Variants in NFKBIZ observed in about 807,000 individuals in gnomAD.
NFKBIZ encodes NF-kappa-B inhibitor zeta.
NFKBIZ carries 19 observed loss-of-function variants against 76.8 expected under a neutral mutation model. That is an observed-to-expected ratio of 0.25 (90% confidence interval 0.17 to 0.36). NFKBIZ has a LOEUF of 0.36. Ranked by LOEUF, NFKBIZ falls within the 10% of genes least tolerant of loss-of-function variation. The pLI, the probability that NFKBIZ is intolerant of heterozygous loss-of-function variation, is 1.00. For missense variants in NFKBIZ, 829 were observed against 910.9 expected, an observed-to-expected ratio of 0.91 and a Z score of 1.16; for synonymous variants, 368 against 354.8, an observed-to-expected ratio of 1.04 and a Z score of -0.42.
upstream of NFKBIZ, among the ~76,000 whole-genome samples, chr3:101,845,691 C>A (rs1942841282): frequency 6.6e-6 from 1 of 152,172 alleles, no homozygotes; most frequent in Non-Finnish European, 1.5e-5. Flanking sequence ...AAAAAATGTT[C>A]TATTGCATAA....
At chr3:101,855,561 T>C (rs1180182270) in intron 8 of NFKBIZ, 103 bp downstream of exon 8, 3 of 1,307,592 alleles carry the variant, frequency 2.3e-6, no homozygotes, top group Non-Finnish European at 3.3e-6. Context: ...AGCTAAAATA[T>C]TCTGTAGGTA....
chr3:101,833,981 C>A (rs1296130752), intron 2 of NFKBIZ, among the ~76,000 whole-genome samples: 2 of 152,068 alleles, frequency 1.3e-5, no homozygotes, highest in Non-Finnish European at 2.9e-5. Flanking sequence ...TTTTTGGGAG[C>A]CTCTCTTAAA....
chr3:101,857,185 T>TACTTTTAGAAAGCTTTAATGACC lies in NFKBIZ; in HGVS notation c.1935+4_1935+5insTTTTAGAAAGCTTTAATGACCAC. The TACTTTTAGAAAGCTTTAATGACC allele has an allele frequency of 6.2e-7, 1 of 1,612,174 alleles. No individual in the cohort carries two copies. Among genetic ancestry groups the TACTTTTAGAAAGCTTTAATGACC allele is most frequent in the Non-Finnish European group, 8.5e-7 (1 of 1,178,544 alleles). On this transcript the variant is annotated splice_region_variant and intron_variant, in intron 10 of 11. Coordinates refer to ENST00000326172, the MANE Select transcript of NFKBIZ (RefSeq NM_031419.4). Reference sequence around the variant, plus strand: ...TGCCTGTCTTTTGTGAATGCAAAGGTACACCAGAGTTGGAATGGCCTTCTG... The same window carrying TACTTTTAGAAAGCTTTAATGACC: ...TGCCTGTCTTTTGTGAATGCAAAGGTACTTTTAGAAAGCTTTAATGACCACACCAGAGTTGGAATGGCCTTCTG...
Position 101,855,841 on chromosome 3 carries a change from A to G in NFKBIZ, c.1763A>G (p.Asn588Ser), listed in dbSNP as rs1263881395. ...SPEVQELLLKNKSLVDTIKCL... is the reference protein window; with the variant it reads ...SPEVQELLLKSKSLVDTIKCL... Reference sequence around the variant, plus strand: ...GAAGTTCAGGAGCTTTTACTGAAGAATAAGAGTCTGGTTGATACCATTAAG... The same window carrying G: ...GAAGTTCAGGAGCTTTTACTGAAGAGTAAGAGTCTGGTTGATACCATTAAG... Residue 588 changes from asparagine to serine, a missense_variant, in exon 9 of 12, where the codon AAT becomes AGT. Physicochemically the swap from Asn to Ser is conservative, Grantham distance 46. This residue lies in a region of NFKBIZ where 272 missense variants were observed against 384.2 expected (regional missense o/e 0.71). Coordinates refer to ENST00000326172, the MANE Select transcript of NFKBIZ (RefSeq NM_031419.4). The G allele has an allele frequency of 1.2e-6, 2 of 1,614,126 alleles. No homozygotes were observed. The highest frequency in any genetic ancestry group is 1.1e-5 in the South Asian group (1 of 91,074).
intron 2 of NFKBIZ, among the ~76,000 whole-genome samples, chr3:101,838,237 A>G (rs750451918): frequency 3.9e-5 from 6 of 152,248 alleles, no homozygotes; most frequent in African/African-American, 7.2e-5. Context: ...GGATGTGTCA[A>G]GTACTTGACA....
At chr3:101,849,954 G>T in intron 1 of NFKBIZ, 37 bp downstream of exon 1, 1 of 1,358,444 alleles carries the variant, frequency 7.4e-7, no homozygotes, top group South Asian at 1.8e-5. Flanking sequence ...TACTCGGGGC[G>T]CGCACGCCTA....
chr3:101,854,517 C>G, intron 5 of NFKBIZ, 61 bp from the exon 6 acceptor site: 2 of 743,086 alleles, frequency 2.7e-6, no homozygotes, highest in South Asian at 4.7e-5. Flanking sequence ...TTTTTTTTTT[C>G]AAAAGAACAA....
intron 11 of NFKBIZ, chr3:101,858,125 CTT>C (rs561281205): frequency 3.2e-5 from 31 of 982,702 alleles, no homozygotes; most frequent in African/African-American, 2.6e-4. Flanking sequence ...TGATGGAACT[CTT>C]TTCCTGGGAG....
chr3:101,853,883 A>G lies in NFKBIZ; in HGVS notation c.1337+20A>G. Reference sequence around the variant, plus strand: ...TGACACGTGAGTATTCTTTTATCTCATGTTCTTAATTAGGTAAGCCACACT... The same window carrying G: ...TGACACGTGAGTATTCTTTTATCTCGTGTTCTTAATTAGGTAAGCCACACT... On this transcript the variant is annotated intron_variant, in intron 5 of 11. Coordinates refer to ENST00000326172, the MANE Select transcript of NFKBIZ (RefSeq NM_031419.4). The G allele has an allele frequency of 1.3e-6, 2 of 1,593,462 alleles. No individual in the cohort carries two copies. The highest frequency in any genetic ancestry group is 1.3e-5 in the African/African-American group (1 of 74,696).
At chr3:101,831,643 CCTTT>C (rs1401583634) in intron 2 of NFKBIZ, among the ~76,000 whole-genome samples, 1 of 151,240 alleles carries the variant, frequency 6.6e-6, no homozygotes, top group Non-Finnish European at 1.5e-5. Flanking sequence ...CTCTCTCTCT[CCTTT>C]CTTTTTTTTT....
upstream of NFKBIZ, among the ~76,000 whole-genome samples, chr3:101,847,525 A>G (rs1942868870): frequency 6.6e-6 from 1 of 152,212 alleles, no homozygotes; most frequent in Admixed American, 6.5e-5. Flanking sequence ...TATGGAATGC[A>G]CTTGCACAAA....
intron 2 of NFKBIZ, among the ~76,000 whole-genome samples, chr3:101,835,482 C>A (rs1249437154): frequency 6.6e-6 from 1 of 152,190 alleles, no homozygotes; most frequent in Non-Finnish European, 1.5e-5. Flanking sequence ...CTGTTTCTCA[C>A]TGTTCTGGGA....
At chr3:101,842,592 C>CTTTTCTT (rs1553810758) in intron 2 of NFKBIZ, among the ~76,000 whole-genome samples, 7 of 130,354 alleles carry the variant, frequency 5.4e-5, no homozygotes, top group African/African-American at 2.0e-4. Flanking sequence ...CTTTTCTTTT[C>CTTTTCTT]TTTTTTTTTT....
chr3:101,853,564 T>C lies in NFKBIZ; in HGVS notation c.1038T>C (p.Asp346=), dbSNP rs1457255457. The change falls in exon 5 of 12, where the codon GAT becomes GAC. Residue 346 remains aspartate (D), a synonymous_variant. Transcript: ENST00000326172. The part of the protein sequence containing the change: ...PNQSLVSLLG[D]QRESENIANP... ...AAAGCTTAGTTTCCCTTCTTGGTGATCAAAGGGAATCTGAGAATATTGCTA... is the reference window on the plus strand; with the variant it reads ...AAAGCTTAGTTTCCCTTCTTGGTGACCAAAGGGAATCTGAGAATATTGCTA... The C allele has an allele frequency of 4.3e-6, 7 of 1,614,098 alleles. No homozygotes were observed. The East Asian group carries it at 1.1e-4, about 26-fold the overall frequency.
chr3:101,857,570 T>C lies in NFKBIZ; in HGVS notation c.2103+111T>C. 3.3e-6 allele frequency: 5 copies of C among 1,513,912 alleles called. No individual in the cohort carries two copies. In the Admixed American group the frequency reaches 6.2e-5, roughly 19 times the overall value. The allele number at this position is 1,513,912 out of a possible 1,614,324, so 93.8% of individuals were successfully genotyped here. A position where few individuals can be genotyped will look rare whatever the true frequency, so the allele number is the denominator to read the frequency against. On this transcript the variant is annotated intron_variant, in intron 11 of 11. Transcript: ENST00000326172. Reference sequence around the variant, plus strand: ...CAGCTGTTGCTCTTCAGGTGGACTCTATCAGTGTCTGTGTCTCACGGTAGC... The same window carrying C: ...CAGCTGTTGCTCTTCAGGTGGACTCCATCAGTGTCTGTGTCTCACGGTAGC...
At chr3:101,855,983 T>G in intron 9 of NFKBIZ, 81 bp downstream of exon 9, 1 of 1,281,990 alleles carries the variant, frequency 7.8e-7, no homozygotes, top group Non-Finnish European at 1.1e-6. Flanking sequence ...AAGTACAGAT[T>G]CAAACTTCTT....
At chr3:101,833,831 C>A (rs1218001728) in intron 2 of NFKBIZ, among the ~76,000 whole-genome samples, 1 of 152,144 alleles carries the variant, frequency 6.6e-6, no homozygotes, top group Non-Finnish European at 1.5e-5. Context: ...ATGTCAAAAT[C>A]TAGGGCAGAG....
At chr3:101,859,288 C>A in intron 11 of NFKBIZ, 30 bp from the exon 12 acceptor site, 2 of 1,597,132 alleles carry the variant, frequency 1.3e-6, no homozygotes, top group South Asian at 1.1e-5. Context: ...AAGAAATAAA[C>A]CTCACAAATT....
Position 101,853,283 on chromosome 3 carries a change from C to G in NFKBIZ, c.757C>G (p.Gln253Glu), listed in dbSNP as rs775393081. 4 of 1,614,184 alleles carry G rather than the reference C, an allele frequency of 2.5e-6. No homozygotes were observed. Among genetic ancestry groups the G allele is most frequent in the Non-Finnish European group, 2.5e-6 (3 of 1,180,032 alleles). Residue 253 changes from glutamine to glutamate, a missense_variant, in exon 5 of 12, where the codon CAG (glutamine) becomes GAG (glutamate). This residue lies in a region of NFKBIZ where 371 missense variants were observed against 332.3 expected (regional missense o/e 1.12). Transcript: ENST00000326172. ...VVVPQSSPAE[Q>E]CQDFHGGQVF... Reference sequence around the variant, plus strand: ...GGTCCCTCAGAGCTCCCCCGCAGAGCAGTGTCAGGACTTCCATGGAGGGCA... The same window carrying G: ...GGTCCCTCAGAGCTCCCCCGCAGAGGAGTGTCAGGACTTCCATGGAGGGCA...
Sources: allele counts gnomAD v4.1 joint callset (sites outside exome capture counted in the v4.1 genomes callset), GRCh38; gene constraint gnomAD v4.1.1; regional missense constraint gnomAD v4.1.1; transcripts MANE v1.5; gene names NCBI Gene and HGNC (gene_info 2026-07-23, HGNC 2026-07-21).